Variants in ARMH3 observed in about 807,000 individuals in gnomAD.
The protein encoded by ARMH3 is armadillo-like helical domain-containing protein 3.
ARMH3 carries 60 observed loss-of-function variants against 99.1 expected under a neutral mutation model. The ratio of observed to expected loss-of-function variants is 0.61; its 90% confidence interval spans 0.49 to 0.75. The LOEUF is 0.75. Ranked by LOEUF, ARMH3 falls within the 30% of genes least tolerant of loss-of-function variation. The probability of loss-of-function intolerance (pLI) is 0.00; values close to 1 mark genes in which losing one functional copy is unlikely to be tolerated. For synonymous variants in ARMH3, 285 were observed against 292.8 expected (o/e 0.97, Z 0.27); for missense variants, 679 against 843.1 (o/e 0.81, Z 2.41).
At chr10:101,895,833 C>T (rs755968090) in intron 23 of ARMH3, among the ~76,000 whole-genome samples, 3 of 152,160 alleles carry the variant, frequency 2.0e-5, no homozygotes, top group Non-Finnish European at 4.4e-5. Context: ...CAATAAATTA[C>T]ACACAAATAA....
intron 1 of ARMH3, among the ~76,000 whole-genome samples, chr10:102,041,088 A>AT (rs1432629777): frequency 4.9e-4 from 65 of 133,060 alleles, no homozygotes; most frequent in South Asian, 1.5e-3. Flanking sequence ...ATATATATAT[A>AT]TAATATATAT....
chr10:101,999,657 C>A lies in ARMH3; in HGVS notation c.1150+2314G>T, dbSNP rs548437322. ...AGGGACTAAATATTACATGATACTA[C>A]AGAATTATTGTTGACTTTCTTAGAT... On this transcript the variant is annotated intron_variant, in intron 15 of 25. Transcript: ENST00000370033. Among the ~76,000 whole-genome samples, 6 of 152,258 alleles carry A rather than the reference C, an allele frequency of 3.9e-5. No homozygotes were observed. In the South Asian group the frequency reaches 1.2e-3, roughly 32 times the overall value.
At position 101,849,808 on chromosome 10, in the gene ARMH3, G is replaced by A. The variant is rs556505598; in HGVS notation, c.1945C>T (p.Gln649Ter). ...GLDQYERYSE[Q>*]HKEAAFFKEL... The stretch of plus-strand genomic sequence containing the variant: ...TTGAAGAAGGCAGCTTCCTTGTGCT[G>A]CTCTGAGTAGCGCTCATACTGGTCC... Residue 649 changes from glutamine (Q) to a stop codon, truncating the protein, a stop_gained, in exon 25 of 26, where the codon CAG (glutamine) becomes TAG (stop). Transcript: ENST00000370033. LOFTEE classifies it high-confidence loss of function. 10 of 1,614,056 alleles carry A rather than the reference G, an allele frequency of 6.2e-6. No homozygotes were observed. Among genetic ancestry groups the A allele is most frequent in the East Asian group, 2.2e-5 (1 of 44,890 alleles).
At chr10:101,995,430 G>A (rs190881573) in intron 15 of ARMH3, 75 bp from the exon 16 acceptor site, 200 of 1,231,790 alleles carry the variant, frequency 1.6e-4, no homozygotes, top group Non-Finnish European at 2.2e-4. Flanking sequence ...GAACAAGGAC[G>A]TATATCATAA....
intron 22 of ARMH3, among the ~76,000 whole-genome samples, chr10:101,953,542 CTTTT>C (rs35546669): frequency 3.4e-5 from 4 of 117,908 alleles, no homozygotes; most frequent in Non-Finnish European, 5.3e-5. Context: ...CGTGCCCAGC[CTTTT>C]TTTTTTTTTT....
intron 24 of ARMH3, among the ~76,000 whole-genome samples, chr10:101,881,361 A>G (rs1388797706): frequency 6.6e-6 from 1 of 152,152 alleles, no homozygotes; most frequent in Non-Finnish European, 1.5e-5. Flanking sequence ...CACCTTCAAG[A>G]TAAGTGTGCC....
Position 101,943,827 on chromosome 10 carries a change from G to C in ARMH3, c.1706-3889C>G, listed in dbSNP as rs573083405. ...TGCCTGTAATCCCAGCACTTTGGGA[G>C]GCCGAGGTGGGTGGATCACGAGCTC... On this transcript the variant is annotated intron_variant, in intron 22 of 25. Transcript: ENST00000370033. 2.0e-5 allele frequency among the ~76,000 whole-genome samples: 3 copies of C among 152,152 alleles called. No homozygotes were observed. The East Asian group carries it at 5.8e-4, about 30-fold the overall frequency.
chr10:102,033,320 C>T lies in ARMH3; in HGVS notation c.122G>A (p.Cys41Tyr), dbSNP rs1281206324. The T allele has an allele frequency of 2.5e-6, 4 of 1,614,112 alleles. No homozygotes were observed. Among genetic ancestry groups the T allele is most frequent in the Non-Finnish European group, 2.5e-6 (3 of 1,180,018 alleles). Residue 41 changes from cysteine (C) to tyrosine (Y), a missense_variant, in exon 3 of 26, where the codon TGC becomes TAC. This residue lies in a region of ARMH3 where 280 missense variants were observed against 354.6 expected (regional missense o/e 0.79). Coordinates refer to ENST00000370033, the MANE Select transcript of ARMH3 (RefSeq NM_024541.3). ...GAGCTCCTCCCAAAACCGAGGACTG[C>T]ACTTACTGGGGTCCTCTGTCTGAAA... The part of the protein sequence containing the change: ...EIFMTEDPSK[C>Y]SPRFWEELFL...
intron 23 of ARMH3, among the ~76,000 whole-genome samples, chr10:101,911,960 G>A (rs149366392): frequency 4.3e-4 from 65 of 152,226 alleles, no homozygotes; most frequent in African/African-American, 1.4e-3. Context: ...TTGAACCCAG[G>A]AGGCGGAGGT....
chr10:102,055,652 G>A (rs1456466304), intron 1 of ARMH3, among the ~76,000 whole-genome samples: 2 of 152,156 alleles, frequency 1.3e-5, no homozygotes, highest in Non-Finnish European at 2.9e-5. Context: ...TGAAGACTTC[G>A]CACAAACCCG....
At chr10:102,015,467 C>T (rs1200933744) in intron 8 of ARMH3, among the ~76,000 whole-genome samples, 7 of 151,604 alleles carry the variant, frequency 4.6e-5, no homozygotes, top group African/African-American at 1.5e-4. Context: ...CTCAGCTCAC[C>T]ACAACCTCTG....
At chr10:101,902,401 C>T (rs565519305) in intron 23 of ARMH3, among the ~76,000 whole-genome samples, 2 of 152,108 alleles carry the variant, frequency 1.3e-5, no homozygotes, top group South Asian at 2.1e-4. Flanking sequence ...GTCCAGAAAC[C>T]GATACATCTC....
At chr10:102,054,327 T>C (rs564995698) in intron 1 of ARMH3, among the ~76,000 whole-genome samples, 1 of 150,418 alleles carries the variant, frequency 6.6e-6, no homozygotes, top group Non-Finnish European at 1.5e-5. Context: ...AGACGGAGGT[T>C]GCAGTGAGCC....
intron 6 of ARMH3, among the ~76,000 whole-genome samples, chr10:102,024,199 C>T (rs2066949029): frequency 6.6e-6 from 1 of 152,174 alleles, no homozygotes; most frequent in African/African-American, 2.4e-5. Flanking sequence ...GCCTGGAATC[C>T]CAGCACTTAG....
At chr10:101,972,689 T>G (rs1204816812) in intron 20 of ARMH3, among the ~76,000 whole-genome samples, 1 of 152,238 alleles carries the variant, frequency 6.6e-6, no homozygotes, top group Non-Finnish European at 1.5e-5. Context: ...GCTCTGCATC[T>G]CACTGTATGT....
At chr10:102,042,587 T>C (rs1418716910) in intron 1 of ARMH3, among the ~76,000 whole-genome samples, 1 of 152,216 alleles carries the variant, frequency 6.6e-6, no homozygotes, top group Non-Finnish European at 1.5e-5. Flanking sequence ...CTACTCTCTG[T>C]CATCACAGGC....
chr10:101,997,296 T>C (rs1311463147), intron 15 of ARMH3, among the ~76,000 whole-genome samples: 8 of 149,680 alleles, frequency 5.3e-5, no homozygotes, highest in African/African-American at 2.0e-4. Context: ...AAAGGAATGA[T>C]AAATACAAAA....
intron 2 of ARMH3, among the ~76,000 whole-genome samples, chr10:102,036,221 C>A (rs1011223674): frequency 6.6e-6 from 1 of 150,866 alleles, no homozygotes; most frequent in Non-Finnish European, 1.5e-5. Context: ...GGGGTCAGCC[C>A]CCGCCCGGCC....
chr10:102,050,001 A>G (rs1057117335), intron 1 of ARMH3, among the ~76,000 whole-genome samples: 1 of 152,154 alleles, frequency 6.6e-6, no homozygotes, highest in African/African-American at 2.4e-5. Context: ...TAACTAGACC[A>G]TTAAAAACCA....
Sources: gnomAD v4.1 joint callset for allele counts (sites outside exome capture counted in the v4.1 genomes callset) on GRCh38, gnomAD v4.1.1 for gene constraint, gnomAD v4.1.1 regional missense constraint, MANE v1.5 for transcripts, NCBI Gene and HGNC (gene_info 2026-07-23, HGNC 2026-07-21) for gene names.